DCN: variants seen among roughly 807,000 people sequenced by gnomAD.
DCN encodes decorin.
Under a neutral mutation model 36.5 loss-of-function variants are expected in DCN, and 17 were observed. The ratio of observed to expected loss-of-function variants is 0.47; its 90% CI spans 0.32 to 0.70. DCN has a LOEUF of 0.70. DCN is among the 30% of genes least tolerant of loss of function. The pLI is 0.04. For synonymous variants in DCN, 163 were observed against 161.4 expected, an observed-to-expected ratio of 1.01 and a Z score of -0.07; for missense variants, 389 against 430.1, an observed-to-expected ratio of 0.90 and a Z score of 0.84.
chr12:91,180,937 G>A (rs1343982792), intron 1 of DCN: 1 of 152,124 alleles, frequency 6.6e-6, no homozygotes, highest in African/African-American at 2.4e-5. Flanking sequence ...AGCAGAACAT[G>A]CCTGGTTGTT....
chr12:91,160,280 C>T (rs375154004), intron 3 of DCN, among the ~76,000 whole-genome samples: 7 of 151,908 alleles, frequency 4.6e-5, no homozygotes, highest in South Asian at 2.1e-4. Context: ...TAATGAAAAT[C>T]GCAAAGGAGA....
chr12:91,176,987 C>G (rs1883333915), intron 2 of DCN: 1 of 152,270 alleles, frequency 6.6e-6, no homozygotes, highest in Admixed American at 6.6e-5. Flanking sequence ...GGCAAATACA[C>G]AATTCAAAAA....
At chr12:91,172,890 G>T (rs1020227779) in intron 2 of DCN, 6 of 603,800 alleles carry the variant, frequency 9.9e-6, no homozygotes, top group African/African-American at 9.4e-5. Flanking sequence ...AAATAAAATA[G>T]ATATATAAAA....
intron 7 of DCN, among the ~76,000 whole-genome samples, chr12:91,147,274 T>G (rs1038965698): frequency 2.0e-5 from 3 of 152,244 alleles, no homozygotes; most frequent in Non-Finnish European, 2.9e-5. Flanking sequence ...TTACTCAACC[T>G]GGAATAATCT....
chr12:91,173,157 T>C (rs967938471), intron 2 of DCN, among the ~76,000 whole-genome samples: 1 of 152,134 alleles, frequency 6.6e-6, no homozygotes, highest in Non-Finnish European at 1.5e-5. Flanking sequence ...CTTTTTCCAC[T>C]CTTTTGAAGG....
chr12:91,169,834 C>G (rs1592701689), intron 2 of DCN: 1 of 155,878 alleles, frequency 6.4e-6, no homozygotes, highest in African/African-American at 2.4e-5. Context: ...GAAGCCGAGG[C>G]GGGTGGATCA....
At chr12:91,151,596 G>T (rs769829680) in intron 7 of DCN, 58 bp downstream of exon 7, 9 of 1,605,912 alleles carry the variant, frequency 5.6e-6, no homozygotes, top group Non-Finnish European at 7.7e-6. Flanking sequence ...CATCCCATAA[G>T]CAGGGTGGGG....
At chr12:91,167,418 C>T (rs1882640561) in intron 2 of DCN, among the ~76,000 whole-genome samples, 1 of 151,558 alleles carries the variant, frequency 6.6e-6, no homozygotes, top group South Asian at 2.1e-4. Flanking sequence ...ACAATAAAAG[C>T]AGTGTGGTTA....
At chr12:91,158,201 T>C in intron 4 of DCN, 95 bp downstream of exon 4, 1 of 813,810 alleles carries the variant, frequency 1.2e-6, no homozygotes, top group Non-Finnish European at 2.2e-6. Flanking sequence ...GCATGTAGCT[T>C]GTAGCTAATT....
chr12:91,163,545 C>T (rs181952583), intron 3 of DCN, among the ~76,000 whole-genome samples: 68 of 152,256 alleles, frequency 4.5e-4, no homozygotes, highest in African/African-American at 1.5e-3. Flanking sequence ...TCCCATGCCC[C>T]TTTGCAAATA....
chr12:91,167,101 C>T (rs749248841), intron 2 of DCN, among the ~76,000 whole-genome samples: 7 of 152,084 alleles, frequency 4.6e-5, no homozygotes, highest in Non-Finnish European at 1.0e-4. Context: ...TAGATGACAA[C>T]TCTCCTGGCT....
At chr12:91,164,990 G>A (rs1312310334) in intron 2 of DCN, among the ~76,000 whole-genome samples, 4 of 152,148 alleles carry the variant, frequency 2.6e-5, no homozygotes, top group African/African-American at 9.7e-5. Flanking sequence ...CATTTGTGTT[G>A]CATTAGGGTG....
In DCN at chr12:91,140,651, C is replaced by G. The variant is rs968009572; in HGVS notation, c.*5407G>C. ...ATAAAGAAGGATCACAATCTATATTCCGGCATCTCTAGAATTTATGTCTAC... is the reference window on the plus strand; with the variant it reads ...ATAAAGAAGGATCACAATCTATATTGCGGCATCTCTAGAATTTATGTCTAC... On this transcript the variant is annotated 3_prime_UTR_variant, in exon 8 of 8. Transcript: ENST00000052754. The G allele has an allele frequency of 1.3e-5, 2 of 152,146 alleles. No individual in the cohort carries two copies. The highest frequency in any genetic ancestry group is 1.3e-4 in the Admixed American group (2 of 15,272). 9.4% of individuals were successfully genotyped at this position (152,146 alleles called of 1,614,324 possible). A position where few individuals can be genotyped will look rare whatever the true frequency, so the allele number is the denominator to read the frequency against.
At chr12:91,149,214 A>G (rs1268805514) in intron 7 of DCN, among the ~76,000 whole-genome samples, 1 of 152,212 alleles carries the variant, frequency 6.6e-6, no homozygotes, top group Non-Finnish European at 1.5e-5. Flanking sequence ...AGGAAGCTAC[A>G]TTTCACAACA....
At chr12:91,164,400 CAAAAAAAAAA>C (rs5799980) in intron 3 of DCN, among the ~76,000 whole-genome samples, 195 bp downstream of exon 3, 1 of 78,916 alleles carries the variant, frequency 1.3e-5, no homozygotes, top group Non-Finnish European at 2.2e-5. Flanking sequence ...AAGCATAATT[CAAAAAAAAAA>C]AAAAAAAGAA....
At chr12:91,173,964 T>A (rs1335716782) in intron 2 of DCN, among the ~76,000 whole-genome samples, 5 of 152,194 alleles carry the variant, frequency 3.3e-5, no homozygotes, top group Non-Finnish European at 5.9e-5. Context: ...CTGATATTTT[T>A]AAAAATTAAA....
Position 91,173,633 on chromosome 12 carries a change from ACT to A in DCN, c.211+4707_211+4708del, listed in dbSNP as rs566959327. On this transcript the variant is annotated intron_variant, in intron 2 of 7. Transcript: ENST00000052754. ...GAAACACCCTTTTGGTGCATTCGAA[ACT>A]CTGAATGAGGAGCACCTCACACCCC... 1.5e-3 allele frequency among the ~76,000 whole-genome samples: 227 copies of A among 152,098 alleles called. 2 individuals carry two copies. The highest frequency in any genetic ancestry group is 5.1e-3 in the African/African-American group (213 of 41,482).
At chr12:91,173,976 C>T (rs977062364) in intron 2 of DCN, among the ~76,000 whole-genome samples, 123 of 152,248 alleles carry the variant, frequency 8.1e-4, no homozygotes, top group African/African-American at 2.9e-3. Flanking sequence ...AAAATTAAAA[C>T]ATTATTTGCA....
At position 91,142,463 on chromosome 12, in the gene DCN, T is replaced by A. The variant is rs958311413; in HGVS notation, c.*3595A>T. The A allele has an allele frequency of 6.6e-6, 1 of 152,206 alleles. No homozygotes were observed. Among genetic ancestry groups the A allele is most frequent in the Non-Finnish European group, 1.5e-5 (1 of 68,026 alleles). 9.4% of individuals were successfully genotyped at this position (152,206 alleles called of 1,614,324 possible). A position where few individuals can be genotyped will look rare whatever the true frequency, so the allele number is the denominator to read the frequency against. ...AAAATTGTGGAATAAACCAGTTTCT[T>A]GGAAAAGCATTATGGAGAACGGTAA... On this transcript the variant is annotated 3_prime_UTR_variant, in exon 8 of 8. Coordinates refer to ENST00000052754, the MANE Select transcript of DCN (RefSeq NM_001920.5).
Sources: gnomAD v4.1 joint callset for allele counts (sites outside exome capture counted in the v4.1 genomes callset) on GRCh38, gnomAD v4.1.1 for gene constraint, MANE v1.5 for transcripts, NCBI Gene and HGNC (gene_info 2026-07-23, HGNC 2026-07-21) for gene names.